The following DAB1 variants were observed in gnomAD, a reference collection of about 807,000 sequenced individuals.
The protein encoded by DAB1 is DAB adaptor protein 1.
Under a neutral mutation model 64.6 loss-of-function variants are expected in DAB1, and 15 were observed. The observed-to-expected ratio is 0.23, with a 90% CI of 0.16 to 0.36. The LOEUF is 0.36. Among genes scored for constraint, DAB1 ranks in the 10% least tolerant of loss-of-function variants. DAB1 has a pLI of 1.00. For missense variants in DAB1, 596 were observed against 706.7 expected (o/e 0.84, Z 1.78); for synonymous variants, 235 against 251.9 (o/e 0.93, Z 0.64).
rs143271963 is a variant in DAB1, at chr1:57,514,089, A to G, written n.625+135503T>C. The stretch of plus-strand genomic sequence containing the variant: ...GTTTTCTTTATTCATTCATCCCTTC[A>G]TAGACACCTATGTTAATTCCATCTT... On this transcript the variant is annotated intron_variant and non_coding_transcript_variant, in intron 7 of 20. Coordinates refer to the DAB1 transcript ENST00000485760. Among the ~76,000 whole-genome samples the G allele has an allele frequency of 7.9e-3, 1,199 of 152,284 alleles. 8 individuals are homozygous for G. The highest frequency in any genetic ancestry group is 0.012 in the Non-Finnish European group (829 of 68,030).
intron 5 of DAB1, among the ~76,000 whole-genome samples, chr1:57,962,037 A>G (rs1373899393): frequency 2.6e-5 from 4 of 151,932 alleles, no homozygotes; most frequent in Admixed American, 2.6e-4. Flanking sequence ...AAATTAAGAG[A>G]GTGGCGATCT....
chr1:57,696,942 C>T (rs539015761), intron 6 of DAB1, among the ~76,000 whole-genome samples: 14 of 152,068 alleles, frequency 9.2e-5, no homozygotes, highest in Admixed American at 7.9e-4. Context: ...CAGGTATAGA[C>T]GAGTAGCAAT....
intron 5 of DAB1, among the ~76,000 whole-genome samples, chr1:57,983,886 G>A (rs974233393): frequency 1.3e-5 from 2 of 152,080 alleles, no homozygotes; most frequent in African/African-American, 4.8e-5. Context: ...GGTTCTCCGG[G>A]AAATGGCTTG....
At chr1:58,466,280 C>T (rs1645295225) in intron 3 of DAB1, among the ~76,000 whole-genome samples, 1 of 151,808 alleles carries the variant, frequency 6.6e-6, no homozygotes, top group Non-Finnish European at 1.5e-5. Flanking sequence ...CCCCATCCCT[C>T]CCTCCCCTCC....
In DAB1 at chr1:57,517,182, G is replaced by A. The variant is rs1317114534; in HGVS notation, n.625+132410C>T. On this transcript the variant is annotated intron_variant and non_coding_transcript_variant, in intron 7 of 20. Transcript: ENST00000485760. ...TTATTTATTTATTTATTTTTTTTGA[G>A]GCAGGGTCTTGCTCTGTTGCCCAGG... is the stretch of plus-strand genomic sequence containing the variant. 4.6e-5 allele frequency among the ~76,000 whole-genome samples: 7 copies of A among 151,334 alleles called. No individual in the cohort carries two copies. In the East Asian group the frequency reaches 1.2e-3, roughly 25 times the overall value.
intron 5 of DAB1, among the ~76,000 whole-genome samples, chr1:57,892,049 C>T (rs776893116): frequency 2.0e-5 from 3 of 152,152 alleles, no homozygotes; most frequent in South Asian, 2.1e-4. Flanking sequence ...CAATCCTTAG[C>T]GTTTTTCTAT....
intron 1 of DAB1, among the ~76,000 whole-genome samples, chr1:57,311,500 C>G (rs1260329242): frequency 1.3e-5 from 2 of 150,630 alleles, no homozygotes; most frequent in Non-Finnish European, 2.9e-5. Flanking sequence ...AGGAGTTGTT[C>G]TTCCCCACCT....
intron 1 of DAB1, among the ~76,000 whole-genome samples, chr1:57,347,386 G>C (rs147014874): frequency 7.0e-4 from 106 of 152,314 alleles, no homozygotes; most frequent in Non-Finnish European, 1.2e-3. Context: ...ATATTAAGGG[G>C]TGGTATTACA....
At chr1:58,075,577 A>G (rs754429062) in intron 5 of DAB1, among the ~76,000 whole-genome samples, 22 of 152,216 alleles carry the variant, frequency 1.4e-4, no homozygotes, top group Non-Finnish European at 2.8e-4. Context: ...GTATTAAACC[A>G]TCTTGATTTG....
At chr1:57,930,946 A>G (rs995431830) in intron 5 of DAB1, among the ~76,000 whole-genome samples, 4 of 152,152 alleles carry the variant, frequency 2.6e-5, no homozygotes, top group African/African-American at 9.7e-5. Context: ...TCTTAGTGAG[A>G]AGGCTTCTAG....
chr1:57,906,114 G>T (rs991202478), intron 5 of DAB1, among the ~76,000 whole-genome samples: 1 of 152,156 alleles, frequency 6.6e-6, no homozygotes, highest in African/African-American at 2.4e-5. Flanking sequence ...TTCTGGAAAG[G>T]ATTCTTAAAA....
chr1:57,982,772 C>T (rs780034081), intron 5 of DAB1, among the ~76,000 whole-genome samples: 1 of 152,192 alleles, frequency 6.6e-6, no homozygotes, highest in Non-Finnish European at 1.5e-5. Context: ...TGTTTTATGG[C>T]TTCAATTCTG....
chr1:57,761,184 C>T (rs72664645), intron 6 of DAB1, among the ~76,000 whole-genome samples: 7,169 of 152,184 alleles, frequency 0.047, 261 homozygotes, highest in South Asian at 0.071. Flanking sequence ...ATTTCCAGCA[C>T]ATTGAGGAAA....
intron 7 of DAB1, among the ~76,000 whole-genome samples, chr1:57,596,493 A>AT (rs397762287): frequency 0.29 from 42,613 of 149,172 alleles, 6,002 homozygotes; most frequent in East Asian, 0.3. Flanking sequence ...CCATTTATGG[A>AT]TTTTTTTTTT....
At chr1:57,644,084 A>G (rs72676993) in intron 7 of DAB1, among the ~76,000 whole-genome samples, 45,217 of 152,104 alleles carry the variant, frequency 0.3, 6,999 homozygotes, top group Admixed American at 0.36. Context: ...GAATCAAGGC[A>G]TTATCTTCGA....
chr1:57,219,423 T>A (rs1268301361), intron 2 of DAB1, among the ~76,000 whole-genome samples: 1 of 152,152 alleles, frequency 6.6e-6, no homozygotes, highest in South Asian at 2.1e-4. Flanking sequence ...TTAGGCAAAT[T>A]GGTGCTTTCA....
intron 5 of DAB1, among the ~76,000 whole-genome samples, chr1:57,949,251 C>G (rs539538600): frequency 2.6e-4 from 39 of 152,240 alleles, no homozygotes; most frequent in South Asian, 1.7e-3. Context: ...GAGTGCACAG[C>G]CTAGATCCCT....
chr1:57,582,549 A>G (rs767822632), intron 7 of DAB1, among the ~76,000 whole-genome samples: 1 of 152,216 alleles, frequency 6.6e-6, no homozygotes, highest in Non-Finnish European at 1.5e-5. Context: ...GAGCTTCAAC[A>G]TATGAATTTA....
At chr1:57,959,718 T>G (rs1227947152) in intron 5 of DAB1, among the ~76,000 whole-genome samples, 3 of 152,226 alleles carry the variant, frequency 2.0e-5, no homozygotes, top group Non-Finnish European at 4.4e-5. Flanking sequence ...ATTCACAGCA[T>G]CTTTGCACTC....
Sources: gnomAD v4.1 joint callset for allele counts (sites outside exome capture counted in the v4.1 genomes callset) on GRCh38, gnomAD v4.1.1 for gene constraint, MANE v1.5 for transcripts, NCBI Gene and HGNC (gene_info 2026-07-23, HGNC 2026-07-21) for gene names.